Variants in CZIB observed in about 807,000 individuals in gnomAD.
The protein encoded by CZIB is CXXC motif containing zinc binding protein, also known as UPF0587 protein C1orf123.
Under a neutral mutation model 28.3 loss-of-function variants are expected in CZIB, and 26 were observed. That is an observed-to-expected ratio of 0.92 (90% CI 0.67 to 1.27). The LOEUF is 1.27. Ranked by LOEUF, CZIB falls within the 50% of genes most tolerant of loss-of-function variation. The pLI is 0.00. For synonymous variants in CZIB, 78 were observed against 71.1 expected (o/e 1.10, Z -0.49); for missense variants, 179 against 197.3 (o/e 0.91, Z 0.56).
rs1017379780 is a variant in CZIB at position 53,220,500 on chromosome 1, C to G, written c.6+70G>C. On this transcript the variant is annotated intron_variant, in intron 1 of 7. Transcript: ENST00000294360. ...ACCCACTCGCTTCATCTCCTCCTGG[C>G]GCGAGCTGTTGCCTCCCAGACCCTC... The G allele has an allele frequency of 6.3e-6, 10 of 1,597,172 alleles. No individual in the cohort carries two copies. In the African/African-American group the frequency reaches 1.3e-4, roughly 21 times the overall value.
intron 2 of CZIB, chr1:53,219,896 G>A (rs1012554970): frequency 2.7e-4 from 60 of 222,784 alleles, no homozygotes; most frequent in African/African-American, 1.3e-3. Context: ...CTAAGGAAGG[G>A]TGGATTACGC....
In CZIB at chr1:53,214,345, T is replaced by C. The variant is rs907627156; in HGVS notation, c.*314A>G. 3.5e-6 allele frequency: 1 copy of C among 287,592 alleles called. No homozygotes were observed. The highest frequency in any genetic ancestry group is 2.1e-5 in the African/African-American group (1 of 47,130). The allele number at this position is 287,592 out of a possible 1,614,324, so 17.8% of individuals were successfully genotyped here. On this transcript the variant is annotated 3_prime_UTR_variant, in exon 8 of 8. Transcript: ENST00000294360. ...GATCGCGGTTTCATCTCTGTAAACTTGCCCTTGACTGGGGAGATACCATCT... is the reference window on the plus strand; with the variant it reads ...GATCGCGGTTTCATCTCTGTAAACTCGCCCTTGACTGGGGAGATACCATCT...
At position 53,218,854 on chromosome 1, in the gene CZIB, G is replaced by T; in HGVS notation, c.147+13C>A. On this transcript the variant is annotated intron_variant, in intron 3 of 7. Coordinates refer to ENST00000294360, the MANE Select transcript of CZIB (RefSeq NM_017887.3). ...TGAGTGTTTATGTTGGGGGTTGGGC[G>T]GGGAACAGTTACCATCAGCCGGATG... The T allele has an allele frequency of 6.2e-7, 1 of 1,609,738 alleles. No homozygotes were observed. Among genetic ancestry groups the T allele is most frequent in the Non-Finnish European group, 8.5e-7 (1 of 1,176,228 alleles).
intron 4 of CZIB, 46 bp from the exon 5 acceptor site, chr1:53,218,249 C>A (rs12140585): frequency 1.2e-6 from 2 of 1,609,906 alleles, no homozygotes; most frequent in East Asian, 4.5e-5. Flanking sequence ...TCCATACCCT[C>A]GCCCCAGCCA....
intron 7 of CZIB, 81 bp downstream of exon 7, chr1:53,215,910 C>T: frequency 7.1e-7 from 1 of 1,406,802 alleles, no homozygotes; most frequent in South Asian, 1.2e-5. Context: ...AGTTGGCTTT[C>T]CATTGATGAG....
At position 53,214,383 on chromosome 1, in the gene CZIB, T is replaced by A; in HGVS notation, c.*276A>T. 5.1e-6 allele frequency: 2 copies of A among 391,192 alleles called. No individual in the cohort carries two copies. The highest frequency in any genetic ancestry group is 9.3e-6 in the Non-Finnish European group (2 of 214,290). The allele number at this position is 391,192 out of a possible 1,614,324, so 24.2% of individuals were successfully genotyped here. On this transcript the variant is annotated 3_prime_UTR_variant, in exon 8 of 8. Coordinates refer to ENST00000294360, the MANE Select transcript of CZIB (RefSeq NM_017887.3). Reference sequence around the variant, plus strand: ...GGAGATACCATCTCCTTAAAAATACTCTTCATTTTCCTAAGGAGTGAACTG... The same window carrying A: ...GGAGATACCATCTCCTTAAAAATACACTTCATTTTCCTAAGGAGTGAACTG...
At position 53,214,484 on chromosome 1, in the gene CZIB, C is replaced by A. The variant is rs1645455478; in HGVS notation, c.*175G>T. On this transcript the variant is annotated 3_prime_UTR_variant, in exon 8 of 8. Coordinates refer to ENST00000294360, the MANE Select transcript of CZIB (RefSeq NM_017887.3). The stretch of plus-strand genomic sequence containing the variant: ...CCTTCATGCACCAGTGCAGCGTGAA[C>A]AGGGGCTTTATTGATGGGGCTTGGG... 1 of 592,260 alleles carries A rather than the reference C, an allele frequency of 1.7e-6. No homozygotes were observed. Among genetic ancestry groups the A allele is most frequent in the Non-Finnish European group, 3.0e-6 (1 of 332,532 alleles). The allele number at this position is 592,260 out of a possible 1,614,324, so 36.7% of individuals were successfully genotyped here. A position where few individuals can be genotyped will look rare whatever the true frequency, so the allele number is the denominator to read the frequency against.
At chr1:53,219,300 A>C (rs958428389) in intron 2 of CZIB, 37 of 249,794 alleles carry the variant, frequency 1.5e-4, no homozygotes, top group African/African-American at 7.8e-4. Flanking sequence ...CTGTAGGATG[A>C]CTATAGCTGA....
rs932287665 is a variant in CZIB, at chr1:53,218,044, G to C, written c.261+128C>G. The C allele has an allele frequency of 3.5e-5, 35 of 987,988 alleles. 1 individual carries two copies. The Admixed American group carries it at 6.9e-4, about 19-fold the overall frequency. The allele number at this position is 987,988 out of a possible 1,614,324, so 61.2% of individuals were successfully genotyped here. A position where few individuals can be genotyped will look rare whatever the true frequency, so the allele number is the denominator to read the frequency against. Reference sequence around the variant, plus strand: ...GTGGATAAATGACTGAGTCAAAGAAGAACTAAGTTCATGAGTGAATGTCCT... The same window carrying C: ...GTGGATAAATGACTGAGTCAAAGAACAACTAAGTTCATGAGTGAATGTCCT... On this transcript the variant is annotated intron_variant, in intron 5 of 7. Transcript: ENST00000294360.
intron 5 of CZIB, 164 bp downstream of exon 5, chr1:53,218,008 C>T (rs369926535): frequency 3.6e-5 from 27 of 752,156 alleles, no homozygotes; most frequent in East Asian, 1.9e-4. Flanking sequence ...ATACCAAGCA[C>T]TCAGTGTACA....
intron 2 of CZIB, 93 bp from the exon 3 acceptor site, chr1:53,219,016 A>G (rs1572391186): frequency 1.9e-6 from 2 of 1,072,760 alleles, no homozygotes; most frequent in East Asian, 4.7e-5. Context: ...CAGGCTCATG[A>G]TCTACCTTCT....
Position 53,216,813 on chromosome 1 carries a change from C to T in CZIB, c.308G>A (p.Arg103Gln), listed in dbSNP as rs777017649. 9 of 1,614,020 alleles carry T rather than the reference C, an allele frequency of 5.6e-6. No homozygotes were observed. Among genetic ancestry groups the T allele is most frequent in the African/African-American group, 2.7e-5 (2 of 74,930 alleles). The change falls in exon 6 of 8, where the codon CGG becomes CAG. Residue 103 changes from arginine (R) to glutamine (Q), a missense_variant. Transcript: ENST00000294360. ...NFKTIVEFEC[R>Q]GLEPVDFQPQ... ...CTGGAAATCAACTGGTTCAAGGCCC[C>T]GGCACTCAAACTCCACTATTGTCTT...
intron 6 of CZIB, among the ~76,000 whole-genome samples, chr1:53,216,339 T>C (rs1365710965): frequency 6.6e-6 from 1 of 152,222 alleles, no homozygotes; most frequent in African/African-American, 2.4e-5. Flanking sequence ...GGGCATGTCA[T>C]TTCCCAGGTT....
chr1:53,216,432 C>G (rs1263393526), intron 6 of CZIB, among the ~76,000 whole-genome samples: 1 of 152,132 alleles, frequency 6.6e-6, no homozygotes, highest in Non-Finnish European at 1.5e-5. Context: ...GAAACATGCA[C>G]AAATAAAGGG....
chr1:53,217,116 G>C (rs1280953104), intron 5 of CZIB: 6 of 423,654 alleles, frequency 1.4e-5, no homozygotes, highest in Non-Finnish European at 2.6e-5. Context: ...GGTAAGCTCT[G>C]CCTATCTTCC....
intron 7 of CZIB, 120 bp from the exon 8 acceptor site, chr1:53,214,856 G>T: frequency 1.4e-6 from 1 of 728,164 alleles, no homozygotes; most frequent in South Asian, 1.8e-5. Flanking sequence ...GAACATGTAT[G>T]ACCCTGAACA....
At position 53,218,424 on chromosome 1, in the gene CZIB, T is replaced by C. The variant is rs920814813; in HGVS notation, c.219A>G (p.Glu73=). ...MVQKCKLCAR[E]NSIEILSSTI... is the part of the protein sequence containing the mutation. ...CACAGCCTGACCTACCGATGGAATT[T>C]TCTCTTGCACACAGCTTGCACTTCT... The change falls in exon 4 of 8, where the codon GAA becomes GAG. Residue 73 remains glutamate, a synonymous_variant. Coordinates refer to ENST00000294360, the MANE Select transcript of CZIB (RefSeq NM_017887.3). The C allele has an allele frequency of 8.1e-6, 13 of 1,614,182 alleles. No homozygotes were observed. The highest frequency in any genetic ancestry group is 1.1e-5 in the Non-Finnish European group (13 of 1,180,032).
At chr1:53,214,990 A>C (rs764498624) in intron 7 of CZIB, among the ~76,000 whole-genome samples, 11 of 152,208 alleles carry the variant, frequency 7.2e-5, no homozygotes, top group Non-Finnish European at 1.0e-4. Context: ...AAAACAAAAA[A>C]AGGACAATGG....
intron 2 of CZIB, chr1:53,219,953 A>G (rs1026075382): frequency 3.9e-5 from 14 of 359,342 alleles, no homozygotes; most frequent in Non-Finnish European, 6.6e-5. Context: ...TCAATAAACG[A>G]AAGGCGAACT....
Sources: gnomAD v4.1 joint callset for allele counts (sites outside exome capture counted in the v4.1 genomes callset) on GRCh38, gnomAD v4.1.1 for gene constraint, MANE v1.5 for transcripts, NCBI Gene and HGNC (gene_info 2026-07-23, HGNC 2026-07-21) for gene names.